The following IQGAP1 variants were observed in gnomAD, a reference collection of about 807,000 sequenced individuals.
IQGAP1 encodes ras GTPase-activating-like protein IQGAP1.
In IQGAP1, 66 loss-of-function variants were observed where a neutral mutation model predicts 215.6. The observed-to-expected ratio is 0.31, with a 90% CI of 0.25 to 0.38. The LOEUF (loss-of-function observed/expected upper bound fraction) is 0.38. IQGAP1 is among the 10% of genes least tolerant of loss of function. The probability of loss-of-function intolerance (pLI) is 1.00; values close to 1 mark genes in which losing one functional copy is unlikely to be tolerated. For missense variants in IQGAP1, 1,712 were observed against 1,997.1 expected (o/e 0.86, Z 2.72); for synonymous variants, 772 against 728.7 (o/e 1.06, Z -0.96).
intron 23 of IQGAP1, among the ~76,000 whole-genome samples, chr15:90,475,330 A>G (rs1256699591): frequency 2.6e-5 from 4 of 151,408 alleles, no homozygotes; most frequent in Non-Finnish European, 4.4e-5. Context: ...CGGGGGTTTC[A>G]CCATGTTGGC....
chr15:90,410,310 A>AT (rs1964940731), intron 2 of IQGAP1, among the ~76,000 whole-genome samples: 1 of 152,206 alleles, frequency 6.6e-6, no homozygotes, highest in Admixed American at 6.5e-5. Flanking sequence ...TAGAAATACC[A>AT]TTTGACCCAG....
chr15:90,476,706 A>G lies in IQGAP1; in HGVS notation c.2828A>G (p.Glu943Gly), dbSNP rs748080058. ...HSKKLTKKNK[E>G]QLSDMMMINK... ...AAAAAACTTACCAAAAAAAATAAGG[A>G]ACAGTTGTCTGATATGATGATGATA... is the stretch of plus-strand genomic sequence containing the variant. The change falls in exon 24 of 38, where the codon GAA becomes GGA. Residue 943 changes from glutamate to glycine, a missense_variant. Coordinates refer to ENST00000268182, the MANE Select transcript of IQGAP1 (RefSeq NM_003870.4). 7 of 1,599,692 alleles carry G rather than the reference A, an allele frequency of 4.4e-6. No homozygotes were observed. The highest frequency in any genetic ancestry group is 5.9e-6 in the Non-Finnish European group (7 of 1,176,484).
intron 2 of IQGAP1, among the ~76,000 whole-genome samples, chr15:90,422,690 A>G: frequency 1.5e-5 from 2 of 133,314 alleles, no homozygotes; most frequent in South Asian, 2.3e-4. Context: ...AATTTTTGAG[A>G]CAGAGTTTGT....
chr15:90,491,322 C>T lies in IQGAP1; in HGVS notation c.4249-11C>T. 9 of 1,610,388 alleles carry T rather than the reference C, an allele frequency of 5.6e-6. No individual in the cohort carries two copies. Among genetic ancestry groups the T allele is most frequent in the African/African-American group, 1.3e-5 (1 of 74,698 alleles). ...GTAAACTTGCTAAGAACTTCTTTTT[C>T]CCATCCGTAGGAAGCAGAACATCAG... On this transcript the variant is annotated splice_polypyrimidine_tract_variant and intron_variant, in intron 33 of 37. Coordinates refer to ENST00000268182, the MANE Select transcript of IQGAP1 (RefSeq NM_003870.4).
intron 23 of IQGAP1, 83 bp downstream of exon 23, chr15:90,474,776 G>A (rs1965954466): frequency 2.8e-6 from 3 of 1,067,818 alleles, no homozygotes; most frequent in African/African-American, 1.6e-5. Context: ...CTGGTGGGGA[G>A]GGTGGAGGCT....
At chr15:90,410,360 C>A (rs1596253157) in intron 2 of IQGAP1, among the ~76,000 whole-genome samples, 2 of 152,308 alleles carry the variant, frequency 1.3e-5, no homozygotes, top group Middle Eastern at 3.4e-3. Context: ...GATTATAAAT[C>A]ATGCTGCTAT....
At position 90,440,487 on chromosome 15, in the gene IQGAP1, A is replaced by T; in HGVS notation, c.536-15A>T. 1 of 1,521,796 alleles carries T rather than the reference A, an allele frequency of 6.6e-7. No individual in the cohort carries two copies. The highest frequency in any genetic ancestry group is 1.4e-5 in the African/African-American group (1 of 73,046). 94.3% of individuals were successfully genotyped at this position (1,521,796 alleles called of 1,614,324 possible). A position where few individuals can be genotyped will look rare whatever the true frequency, so the allele number is the denominator to read the frequency against. ...TGCTTAGCTTGATTGACTGATTATT[A>T]ATTCCCTCCTGTAGAAGAAGAAATC... On this transcript the variant is annotated splice_polypyrimidine_tract_variant and intron_variant, in intron 6 of 37. Transcript: ENST00000268182.
intron 1 of IQGAP1, among the ~76,000 whole-genome samples, chr15:90,390,035 A>G (rs1309414651): frequency 6.6e-6 from 1 of 151,882 alleles, no homozygotes; most frequent in African/African-American, 2.4e-5. Flanking sequence ...AAAGGTATTG[A>G]AAGTAGAGGG....
intron 30 of IQGAP1, among the ~76,000 whole-genome samples, chr15:90,485,686 C>T (rs543872987): frequency 1.1e-4 from 16 of 152,222 alleles, no homozygotes; most frequent in East Asian, 5.8e-4. Flanking sequence ...GTGATCCACC[C>T]GCCTTGGCTT....
intron 2 of IQGAP1, among the ~76,000 whole-genome samples, chr15:90,403,495 A>G (rs2151004108): frequency 6.6e-6 from 1 of 152,350 alleles, no homozygotes; most frequent in Non-Finnish European, 1.5e-5. Context: ...CTATGCAAGT[A>G]TATAACACTG....
At position 90,499,981 on chromosome 15, in the gene IQGAP1, T is replaced by C. The variant is rs202046788; in HGVS notation, c.4861-14T>C. The C allele has an allele frequency of 9.8e-7, 1 of 1,024,570 alleles. No homozygotes were observed. The highest frequency in any genetic ancestry group is 2.3e-5 in the East Asian group (1 of 42,750). The allele number at this position is 1,024,570 out of a possible 1,614,324, so 63.5% of individuals were successfully genotyped here. ...CAAAATGTTTTGTTTTGTTTTGTTT[T>C]GTTTTGTTAATAGGACCTGCTGCAG... On this transcript the variant is annotated splice_polypyrimidine_tract_variant and intron_variant, in intron 37 of 37. Coordinates refer to ENST00000268182, the MANE Select transcript of IQGAP1 (RefSeq NM_003870.4).
chr15:90,419,854 T>C (rs1437909059), intron 2 of IQGAP1, among the ~76,000 whole-genome samples: 1 of 152,196 alleles, frequency 6.6e-6, no homozygotes, highest in Non-Finnish European at 1.5e-5. Flanking sequence ...GGTCAGACCA[T>C]ACCTGGAACA....
rs772920434 is a variant in IQGAP1 at position 90,467,616 on chromosome 15, G to T, written c.2178+24G>T. The T allele has an allele frequency of 4.4e-6, 7 of 1,591,300 alleles. No individual in the cohort carries two copies. The South Asian group carries it at 8.0e-5, about 18-fold the overall frequency. On this transcript the variant is annotated intron_variant, in intron 18 of 37. Coordinates refer to ENST00000268182, the MANE Select transcript of IQGAP1 (RefSeq NM_003870.4). ...AGGTAGGTTACCTTTCTTCACGTAA[G>T]AAGAAGCTGAGAGAAAGTGTTTTCA...
At chr15:90,434,450 T>A (rs969188273) in intron 5 of IQGAP1, among the ~76,000 whole-genome samples, 15 of 151,632 alleles carry the variant, frequency 9.9e-5, no homozygotes, top group African/African-American at 3.6e-4. Context: ...AAAAAAATAA[T>A]AATAATCATA....
At chr15:90,457,487 C>T (rs959138455) in intron 15 of IQGAP1, among the ~76,000 whole-genome samples, 1 of 151,452 alleles carries the variant, frequency 6.6e-6, no homozygotes, top group African/African-American at 2.4e-5. Flanking sequence ...AGTGCAATGA[C>T]GCAATCTCAG....
intron 14 of IQGAP1, 88 bp from the exon 15 acceptor site, chr15:90,456,064 T>G (rs1965675044): frequency 8.9e-7 from 1 of 1,122,340 alleles, no homozygotes. Flanking sequence ...CTTAGGTGGA[T>G]TTATGATTAG....
At chr15:90,471,111 T>TA (rs1429211497) in intron 18 of IQGAP1, among the ~76,000 whole-genome samples, 1 of 152,030 alleles carries the variant, frequency 6.6e-6, no homozygotes, top group Non-Finnish European at 1.5e-5. Context: ...AGTCCAGAAG[T>TA]CCAGCAGACA....
intron 33 of IQGAP1, among the ~76,000 whole-genome samples, chr15:90,488,528 C>T (rs1225549451): frequency 6.6e-6 from 1 of 151,940 alleles, no homozygotes; most frequent in East Asian, 1.9e-4. Context: ...AAGAAAAGTA[C>T]AGAATGTGGC....
chr15:90,426,536 T>C (rs780157051), intron 3 of IQGAP1, among the ~76,000 whole-genome samples: 10 of 140,252 alleles, frequency 7.1e-5, no homozygotes, highest in Non-Finnish European at 1.5e-4. Context: ...GGAAAAGAAC[T>C]TTAGCTGTCT....
Sources: gnomAD v4.1 joint callset for allele counts (sites outside exome capture counted in the v4.1 genomes callset) on GRCh38, gnomAD v4.1.1 for gene constraint, MANE v1.5 for transcripts, NCBI Gene and HGNC (gene_info 2026-07-23, HGNC 2026-07-21) for gene names.